The following CEP112 variants were observed in gnomAD, a reference collection of about 807,000 sequenced individuals.
CEP112 encodes the protein centrosomal protein of 112 kDa.
A neutral mutation model predicts 153.0 loss-of-function variants in CEP112; 127 were observed. The ratio of observed to expected loss-of-function variants is 0.83; its 90% CI spans 0.72 to 0.96. CEP112 has a LOEUF of 0.96. CEP112 is among the 40% of genes least tolerant of loss of function. The probability of loss-of-function intolerance (pLI) is 0.00; values close to 1 mark genes in which losing one functional copy is unlikely to be tolerated. For missense variants in CEP112, 1,089 were observed against 1,101.2 expected (o/e 0.99, Z 0.16); for synonymous variants, 358 against 374.4 (o/e 0.96, Z 0.51).
chr17:65,962,086 T>G (rs1214520685), intron 17 of CEP112, among the ~76,000 whole-genome samples: 1 of 152,148 alleles, frequency 6.6e-6, no homozygotes, highest in African/African-American at 2.4e-5. Context: ...AGTACCTTAG[T>G]AGTTGCTAGG....
At chr17:65,927,716 AT>A (rs1568241469) in intron 18 of CEP112, 27 bp from the exon 19 acceptor site, 11 of 1,401,112 alleles carry the variant, frequency 7.9e-6, no homozygotes, top group Admixed American at 2.3e-5. Context: ...TCAAATATTA[AT>A]TTTTTAAACA....
intron 19 of CEP112, among the ~76,000 whole-genome samples, chr17:65,918,295 A>G (rs1002252486): frequency 6.6e-6 from 1 of 152,224 alleles, no homozygotes; most frequent in African/African-American, 2.4e-5. Flanking sequence ...ATCACGTGCT[A>G]TCTGCTTTTT....
rs7208752 is a variant in CEP112 at position 65,669,919 on chromosome 17, A to G, written c.2697+19210T>C. ...CTTCGTCTTGAAAAAAAAAAAAAAA[A>G]AGAGAGAAAAATAGAATTATGCTGG... On this transcript the variant is annotated intron_variant, in intron 24 of 26. Coordinates refer to ENST00000535342, the MANE Select transcript of CEP112 (RefSeq NM_001199165.4). Among the ~76,000 whole-genome samples, 475 of 151,452 alleles carry G rather than the reference A, an allele frequency of 3.1e-3. 5 individuals are homozygous for G. Among genetic ancestry groups the G allele is most frequent in the African/African-American group, 9.2e-3 (381 of 41,344 alleles).
intron 17 of CEP112, among the ~76,000 whole-genome samples, chr17:65,974,618 G>C (rs930303516): frequency 1.3e-5 from 2 of 152,094 alleles, no homozygotes; most frequent in African/African-American, 4.8e-5. Context: ...CCCATATGTA[G>C]AACAGTGGTT....
chr17:66,145,683 A>G (rs1291565615), intron 4 of CEP112, among the ~76,000 whole-genome samples: 3 of 152,110 alleles, frequency 2.0e-5, no homozygotes, highest in Non-Finnish European at 2.9e-5. Context: ...CTATAAATCC[A>G]TCTATCCTTT....
intron 17 of CEP112, among the ~76,000 whole-genome samples, chr17:65,991,538 T>C (rs973936601): frequency 3.9e-5 from 6 of 152,118 alleles, no homozygotes; most frequent in Non-Finnish European, 8.8e-5. Flanking sequence ...ATAGGTTACT[T>C]TTATATTCTG....
At chr17:65,841,363 T>C (rs564433608) in intron 21 of CEP112, among the ~76,000 whole-genome samples, 1 of 152,158 alleles carries the variant, frequency 6.6e-6, no homozygotes, top group Non-Finnish European at 1.5e-5. Context: ...TGGATAGAAT[T>C]AGATGTCATT....
chr17:65,651,216 A>G (rs2143609926), intron 24 of CEP112, among the ~76,000 whole-genome samples: 1 of 152,200 alleles, frequency 6.6e-6, no homozygotes, highest in Middle Eastern at 3.4e-3. Context: ...GAGTTACTTC[A>G]CTTAGAGTAA....
chr17:66,124,734 A>T (rs949387796), intron 6 of CEP112, among the ~76,000 whole-genome samples: 1 of 151,968 alleles, frequency 6.6e-6, no homozygotes, highest in Non-Finnish European at 1.5e-5. Flanking sequence ...CAAACAGAAA[A>T]CCAGGAAACT....
chr17:65,692,224 ATT>A (rs35586515), intron 23 of CEP112, among the ~76,000 whole-genome samples: 1,631 of 126,810 alleles, frequency 0.013, 14 homozygotes, highest in African/African-American at 0.046. Flanking sequence ...CTGCACTGGA[ATT>A]TTTTTTTTTT....
chr17:66,074,974 G>A (rs1035203802), intron 8 of CEP112, among the ~76,000 whole-genome samples: 1 of 151,460 alleles, frequency 6.6e-6, no homozygotes, highest in African/African-American at 2.4e-5. Flanking sequence ...GGAAACCAGA[G>A]GACAAAGGAA....
chr17:65,690,286 T>G (rs1362980091), intron 23 of CEP112, among the ~76,000 whole-genome samples: 1 of 151,408 alleles, frequency 6.6e-6, no homozygotes, highest in African/African-American at 2.4e-5. Flanking sequence ...ATTAGCTGGG[T>G]GTGGGGGTGC....
intron 23 of CEP112, among the ~76,000 whole-genome samples, chr17:65,741,931 T>C (rs1402439160): frequency 6.7e-6 from 1 of 149,952 alleles, no homozygotes; most frequent in Admixed American, 6.7e-5. Context: ...AAATCTCTCT[T>C]TTTTTTTTGG....
At chr17:65,807,597 A>T (rs1174981948) in intron 21 of CEP112, among the ~76,000 whole-genome samples, 42 of 152,208 alleles carry the variant, frequency 2.8e-4, no homozygotes, top group Admixed American at 2.7e-3. Flanking sequence ...GCCTGGGGAC[A>T]TGGCACCCTG....
chr17:66,002,013 G>A (rs1307105810), intron 17 of CEP112, among the ~76,000 whole-genome samples: 2 of 152,154 alleles, frequency 1.3e-5, no homozygotes, highest in South Asian at 2.1e-4. Flanking sequence ...AACAAAAATT[G>A]AAAAGAATAG....
At chr17:65,722,968 A>G (rs2049976001) in intron 23 of CEP112, among the ~76,000 whole-genome samples, 1 of 152,228 alleles carries the variant, frequency 6.6e-6, no homozygotes, top group South Asian at 2.1e-4. Context: ...AAGAATATCC[A>G]TTGTCTAGCT....
At chr17:65,667,863 G>A (rs944675506) in intron 24 of CEP112, among the ~76,000 whole-genome samples, 2 of 151,182 alleles carry the variant, frequency 1.3e-5, no homozygotes, top group African/African-American at 4.9e-5. Flanking sequence ...ACTGTGCTCA[G>A]AGGGAGGCCG....
chr17:65,672,996 C>G (rs2047061172), intron 24 of CEP112, among the ~76,000 whole-genome samples: 2 of 152,282 alleles, frequency 1.3e-5, no homozygotes, highest in South Asian at 4.1e-4. Flanking sequence ...TAAAACAACA[C>G]AGATTTATTC....
intron 9 of CEP112, among the ~76,000 whole-genome samples, chr17:66,067,753 A>G (rs915014135): frequency 3.3e-5 from 5 of 152,244 alleles, no homozygotes; most frequent in African/African-American, 1.2e-4. Flanking sequence ...AGTATAAATA[A>G]TAATTTCAGT....
Sources: gnomAD v4.1 joint callset for allele counts (sites outside exome capture counted in the v4.1 genomes callset) on GRCh38, gnomAD v4.1.1 for gene constraint, MANE v1.5 for transcripts, NCBI Gene and HGNC (gene_info 2026-07-23, HGNC 2026-07-21) for gene names.